Variants in TRIM33 observed in about 807,000 individuals in gnomAD.
The protein encoded by TRIM33 is E3 ubiquitin-protein ligase TRIM33.
In TRIM33, 20 loss-of-function variants were observed where a neutral mutation model predicts 125.4. The ratio of observed to expected loss-of-function variants is 0.16; its 90% confidence interval spans 0.11 to 0.23. The LOEUF (loss-of-function observed/expected upper bound fraction) is 0.23, where lower values mean the gene tolerates loss of function less well. Ranked by LOEUF, TRIM33 falls within the 10% of genes least tolerant of loss-of-function variation. TRIM33 has a pLI of 1.00. For missense variants in TRIM33, 920 were observed against 1,411.4 expected (o/e 0.65, Z 5.58); for synonymous variants, 564 against 513.9 (o/e 1.10, Z -1.32).
intron 1 of TRIM33, among the ~76,000 whole-genome samples, chr1:114,505,090 T>C (rs1466298498): frequency 6.6e-6 from 1 of 152,232 alleles, no homozygotes. Flanking sequence ...GTAGGTGTAA[T>C]TATTACTCCC....
chr1:114,456,656 C>T (rs908368829), intron 4 of TRIM33, among the ~76,000 whole-genome samples: 2 of 152,162 alleles, frequency 1.3e-5, no homozygotes, highest in African/African-American at 4.8e-5. Context: ...TCCCAATTTG[C>T]ACTTACTCTA....
chr1:114,425,080 A>G (rs1020207578), intron 9 of TRIM33, among the ~76,000 whole-genome samples: 1 of 152,228 alleles, frequency 6.6e-6, no homozygotes, highest in Non-Finnish European at 1.5e-5. Context: ...AGCAAAAGAC[A>G]CACAGGTATA....
chr1:114,435,194 A>G (rs1236996714), intron 4 of TRIM33, among the ~76,000 whole-genome samples: 1 of 152,240 alleles, frequency 6.6e-6, no homozygotes, highest in Admixed American at 6.5e-5. Context: ...AGAAGGGAAT[A>G]GAAGGGAAAG....
At chr1:114,502,194 C>T (rs1168429695) in intron 1 of TRIM33, among the ~76,000 whole-genome samples, 1 of 152,152 alleles carries the variant, frequency 6.6e-6, no homozygotes. Flanking sequence ...TATGGGTACT[C>T]CAAAATGAAG....
At chr1:114,463,300 T>A (rs1650099870) in intron 3 of TRIM33, 64 bp from the exon 4 acceptor site, 2 of 1,559,586 alleles carry the variant, frequency 1.3e-6, no homozygotes, top group Non-Finnish European at 1.7e-6. Context: ...TTTTCTAAAT[T>A]CCTATTGATG....
chr1:114,510,825 T>G lies in TRIM33; in HGVS notation c.252A>C (p.Ser84=). 6.6e-7 allele frequency: 1 copy of G among 1,518,648 alleles called. No individual in the cohort carries two copies. Among genetic ancestry groups the G allele is most frequent in the Non-Finnish European group, 8.8e-7 (1 of 1,140,230 alleles). 94.1% of individuals were successfully genotyped at this position (1,518,648 alleles called of 1,614,324 possible). A position where few individuals can be genotyped will look rare whatever the true frequency, so the allele number is the denominator to read the frequency against. The change falls in exon 1 of 20, where the codon TCA becomes TCC. Residue 84 remains serine (S), a synonymous_variant. Transcript: ENST00000358465. ...CGCCCCCGGCAACTCCAGTGCCCAC[T>G]GAGGCCGCAGGAGATGAAGCAGCCT... ...SAQAASSPAA[S]VGTGVAGGAV... is the part of the protein sequence containing the mutation.
At position 114,463,475 on chromosome 1, in the gene TRIM33, C is replaced by G; in HGVS notation, c.727G>C (p.Glu243Gln). 1 of 1,612,494 alleles carries G rather than the reference C, an allele frequency of 6.2e-7. No homozygotes were observed. Among genetic ancestry groups the G allele is most frequent in the Non-Finnish European group, 8.5e-7 (1 of 1,178,890 alleles). ...GTAAATTTTACTCTTTGATGTGCTT[C>G]GATACATGTCTTACATAGCCACTCT... ...CGEWLCKTCI[E>Q]AHQRVKFTKD... Residue 243 changes from glutamate to glutamine, a missense_variant, in exon 3 of 20, where the codon GAA (glutamate) becomes CAA (glutamine). Glu to Gln is a conservative substitution (Grantham distance 29, BLOSUM62 2). Around this residue, in one of 8 missense-constraint regions of TRIM33, gnomAD observed 24 missense variants for 83.9 expected, o/e 0.29. Transcript: ENST00000358465.
intron 1 of TRIM33, among the ~76,000 whole-genome samples, chr1:114,482,456 G>A (rs546986310): frequency 6.6e-6 from 1 of 152,276 alleles, no homozygotes; most frequent in Admixed American, 6.5e-5. Context: ...ACCTAGATGG[G>A]AAAATGAGTG....
chr1:114,427,369 A>G (rs917645260), intron 7 of TRIM33, 75 bp from the exon 8 acceptor site: 57 of 794,550 alleles, frequency 7.2e-5, no homozygotes, highest in Non-Finnish European at 1.1e-4. Flanking sequence ...AGACATTAAG[A>G]AAAAAAAGCA....
At chr1:114,472,824 A>C (rs1650732794) in intron 1 of TRIM33, among the ~76,000 whole-genome samples, 1 of 152,194 alleles carries the variant, frequency 6.6e-6, no homozygotes, top group Non-Finnish European at 1.5e-5. Context: ...CACTGTTACA[A>C]TTAAACTGTT....
At chr1:114,484,608 A>C (rs578092168) in intron 1 of TRIM33, among the ~76,000 whole-genome samples, 1 of 152,176 alleles carries the variant, frequency 6.6e-6, no homozygotes, top group Non-Finnish European at 1.5e-5. Context: ...CACTCCTGTA[A>C]TCCTAGCACT....
At chr1:114,481,255 T>C (rs1382004220) in intron 1 of TRIM33, among the ~76,000 whole-genome samples, 2 of 152,066 alleles carry the variant, frequency 1.3e-5, no homozygotes, top group African/African-American at 4.8e-5. Flanking sequence ...AATCAATACA[T>C]CAGATACATG....
chr1:114,503,881 G>A (rs1301459703), intron 1 of TRIM33, among the ~76,000 whole-genome samples: 3 of 152,048 alleles, frequency 2.0e-5, no homozygotes, highest in African/African-American at 7.3e-5. Flanking sequence ...AAGTAAAATA[G>A]TTTTCTATGA....
At chr1:114,477,731 T>C (rs962771309) in intron 1 of TRIM33, among the ~76,000 whole-genome samples, 3 of 152,198 alleles carry the variant, frequency 2.0e-5, no homozygotes, top group Non-Finnish European at 2.9e-5. Flanking sequence ...TTCAATGCAG[T>C]ACTCAATACA....
chr1:114,471,608 T>C (rs764658431), intron 1 of TRIM33, among the ~76,000 whole-genome samples: 3 of 151,718 alleles, frequency 2.0e-5, no homozygotes, highest in South Asian at 2.1e-4. Flanking sequence ...TAAACAAACA[T>C]ACAGCAGCAA....
intron 6 of TRIM33, among the ~76,000 whole-genome samples, chr1:114,428,459 G>A (rs1647729344): frequency 1.3e-5 from 2 of 152,162 alleles, no homozygotes. Flanking sequence ...ACCAATTTCA[G>A]AGAAACACTG....
At chr1:114,433,100 A>G (rs1351884519) in intron 5 of TRIM33, among the ~76,000 whole-genome samples, 1 of 152,254 alleles carries the variant, frequency 6.6e-6, no homozygotes, top group Non-Finnish European at 1.5e-5. Context: ...ATACCAAAGT[A>G]GAATACTTTT....
intron 1 of TRIM33, among the ~76,000 whole-genome samples, chr1:114,506,883 AAATC>A (rs1474918319): frequency 6.6e-6 from 1 of 152,164 alleles, no homozygotes; most frequent in Non-Finnish European, 1.5e-5. Flanking sequence ...ACCAGCATCA[AAATC>A]ACAGGGCACC....
chr1:114,471,188 C>T (rs1650624455), intron 1 of TRIM33, among the ~76,000 whole-genome samples: 1 of 152,216 alleles, frequency 6.6e-6, no homozygotes, highest in East Asian at 1.9e-4. Flanking sequence ...GTGGCTCCCA[C>T]CTGTAATTCC....
Sources: allele counts gnomAD v4.1 joint callset (sites outside exome capture counted in the v4.1 genomes callset), GRCh38; gene constraint gnomAD v4.1.1; regional missense constraint gnomAD v4.1.1; transcripts MANE v1.5; gene names NCBI Gene and HGNC (gene_info 2026-07-23, HGNC 2026-07-21).